WBP1L: variants seen among roughly 807,000 people sequenced by gnomAD.
WBP1L encodes the protein WW domain binding protein 1-like.
A neutral mutation model predicts 33.7 loss-of-function variants in WBP1L; 17 were observed. That is an observed-to-expected ratio of 0.50 (90% CI 0.34 to 0.76). The LOEUF (loss-of-function observed/expected upper bound fraction) is 0.76. Ranked by LOEUF, WBP1L falls within the 30% of genes least tolerant of loss-of-function variation. The pLI, the probability that WBP1L is intolerant of heterozygous loss-of-function variation, is 0.01. For synonymous variants in WBP1L, 173 were observed against 190.8 expected, an observed-to-expected ratio of 0.91 and a Z score of 0.77; for missense variants, 389 against 469.4, an observed-to-expected ratio of 0.83 and a Z score of 1.58.
chr10:102,771,668 A>G (rs540071506), intron 1 of WBP1L, among the ~76,000 whole-genome samples: 1 of 151,924 alleles, frequency 6.6e-6, no homozygotes, highest in Admixed American at 6.6e-5. Context: ...ATTAGCTGGG[A>G]GTGGTGGCGC....
intron 1 of WBP1L, among the ~76,000 whole-genome samples, chr10:102,784,569 G>A (rs948947164): frequency 1.3e-5 from 2 of 151,742 alleles, no homozygotes. Flanking sequence ...GGGACTACAG[G>A]CGCCCGCCAC....
chr10:102,790,772 A>G (rs1843485913), intron 1 of WBP1L, among the ~76,000 whole-genome samples: 1 of 152,038 alleles, frequency 6.6e-6, no homozygotes, highest in African/African-American at 2.4e-5. Context: ...CAGCCTCCCA[A>G]AGTCCTGGAA....
chr10:102,795,304 T>A (rs1274579060), intron 1 of WBP1L, among the ~76,000 whole-genome samples: 1 of 152,250 alleles, frequency 6.6e-6, no homozygotes, highest in African/African-American at 2.4e-5. Context: ...CATTTTTGAC[T>A]GACGATATTT....
intron 1 of WBP1L, among the ~76,000 whole-genome samples, chr10:102,758,822 G>A (rs911095734): frequency 4.6e-5 from 7 of 152,306 alleles, no homozygotes; most frequent in Admixed American, 2.6e-4. Flanking sequence ...AGCAGGTCAC[G>A]TGCTTACAGG....
chr10:102,756,919 G>C (rs1320709999), intron 1 of WBP1L, among the ~76,000 whole-genome samples: 2 of 150,362 alleles, frequency 1.3e-5, no homozygotes, highest in Admixed American at 6.7e-5. Flanking sequence ...ACAGAGTCTC[G>C]ATCTGTTGCC....
intron 1 of WBP1L, among the ~76,000 whole-genome samples, chr10:102,796,758 G>GTGAC (rs142941299): frequency 0.015 from 2,214 of 152,322 alleles, 50 homozygotes; most frequent in South Asian, 0.11. Flanking sequence ...CGTCCAGTAA[G>GTGAC]TGACTGTGTT....
intron 1 of WBP1L, among the ~76,000 whole-genome samples, chr10:102,783,494 G>A (rs374332580): frequency 1.3e-5 from 2 of 152,296 alleles, no homozygotes; most frequent in Middle Eastern, 3.4e-3. Flanking sequence ...TCCTGCCCAC[G>A]GGGAATTTAG....
chr10:102,787,392 G>T (rs1843430317), intron 1 of WBP1L, among the ~76,000 whole-genome samples: 1 of 152,152 alleles, frequency 6.6e-6, no homozygotes, highest in Non-Finnish European at 1.5e-5. Flanking sequence ...TTTGAGACCA[G>T]CCTGAGCAAC....
rs763923912 is a variant in WBP1L, at chr10:102,744,159, C to T, written c.90+16C>T. ...ACCCCCGCAGGTAAGGGGGAGGGGG[C>T]GTCTGGGCCATGTTGGGTCCTGGGG... On this transcript the variant is annotated intron_variant, in intron 1 of 3. Coordinates refer to ENST00000448841, the MANE Select transcript of WBP1L (RefSeq NM_001083913.2). 5.7e-5 allele frequency: 88 copies of T among 1,541,622 alleles called. No homozygotes were observed. Among genetic ancestry groups the T allele is most frequent in the African/African-American group, 8.3e-5 (6 of 72,686 alleles).
chr10:102,747,182 T>C (rs1282884533), intron 1 of WBP1L, among the ~76,000 whole-genome samples: 2 of 151,964 alleles, frequency 1.3e-5, no homozygotes, highest in African/African-American at 4.8e-5. Context: ...GCCAACATGG[T>C]GAAACCCTGT....
intron 1 of WBP1L, among the ~76,000 whole-genome samples, chr10:102,780,452 T>C (rs1418210190): frequency 6.6e-6 from 1 of 152,220 alleles, no homozygotes; most frequent in Non-Finnish European, 1.5e-5. Context: ...TGCAACAGAA[T>C]GTTCTTAGTC....
chr10:102,775,219 C>T (rs977019985), intron 1 of WBP1L, among the ~76,000 whole-genome samples: 4 of 151,542 alleles, frequency 2.6e-5, no homozygotes, highest in Non-Finnish European at 4.4e-5. Context: ...CAAACATGGA[C>T]CTTTTGTGCT....
intron 1 of WBP1L, among the ~76,000 whole-genome samples, chr10:102,762,266 C>T (rs1387127601): frequency 6.6e-6 from 1 of 152,190 alleles, no homozygotes; most frequent in Non-Finnish European, 1.5e-5. Context: ...CAACATTAGT[C>T]ATCCCATAGC....
chr10:102,775,167 C>G (rs1373222570), intron 1 of WBP1L, among the ~76,000 whole-genome samples: 2 of 149,616 alleles, frequency 1.3e-5, no homozygotes, highest in African/African-American at 4.9e-5. Flanking sequence ...TAAAGCTCCT[C>G]TGAAGATTGT....
intron 1 of WBP1L, among the ~76,000 whole-genome samples, chr10:102,784,489 A>G (rs1349736980): frequency 2.0e-5 from 3 of 146,448 alleles, no homozygotes; most frequent in South Asian, 2.2e-4. Flanking sequence ...GCAGTGGCAC[A>G]ATCTTGGCTC....
At chr10:102,759,139 C>T (rs1391450990) in intron 1 of WBP1L, among the ~76,000 whole-genome samples, 1 of 152,166 alleles carries the variant, frequency 6.6e-6, no homozygotes, top group Non-Finnish European at 1.5e-5. Context: ...TTCCCTGACT[C>T]CTCCAAGGAA....
At chr10:102,782,170 G>A (rs1288821628) in intron 1 of WBP1L, among the ~76,000 whole-genome samples, 4 of 146,248 alleles carry the variant, frequency 2.7e-5, no homozygotes, top group Admixed American at 1.4e-4. Flanking sequence ...GCCTGGCCTC[G>A]GGTTAATTTT....
At chr10:102,761,265 A>T (rs4919671) in intron 1 of WBP1L, among the ~76,000 whole-genome samples, 1 of 150,442 alleles carries the variant, frequency 6.6e-6, no homozygotes. Context: ...TCAGCCTCTC[A>T]AGTAGCTGGG....
At position 102,813,260 on chromosome 10, in the gene WBP1L, G is replaced by A. The variant is rs284859; in HGVS notation, c.1021G>A (p.Ala341Thr). Residue 341 changes from alanine (A) to threonine (T), a missense_variant, in exon 4 of 4, where the codon GCA becomes ACA. Coordinates refer to ENST00000448841, the MANE Select transcript of WBP1L (RefSeq NM_001083913.2). The part of the protein sequence containing the change: ...PGHPHLPRPP[A>T]CLLLNTINEQ... ...GCACCCGCACCTGCCACGGCCGCCC[G>A]CATGCCTGCTGCTGAACACCATCAA... 18 of 1,612,598 alleles carry A rather than the reference G, an allele frequency of 1.1e-5. No individual in the cohort carries two copies. Among genetic ancestry groups the A allele is most frequent in the African/African-American group, 6.7e-5 (5 of 74,860 alleles).
Sources: allele counts gnomAD v4.1 joint callset (sites outside exome capture counted in the v4.1 genomes callset), GRCh38; gene constraint gnomAD v4.1.1; transcripts MANE v1.5; gene names NCBI Gene and HGNC (gene_info 2026-07-23, HGNC 2026-07-21).